NELL1: variants seen among roughly 807,000 people sequenced by gnomAD.
NELL1 encodes protein kinase C-binding protein NELL1.
A neutral mutation model predicts 107.4 loss-of-function variants in NELL1; 76 were observed. The observed-to-expected ratio is 0.71, with a 90% CI of 0.59 to 0.86. NELL1 has a LOEUF of 0.86. Ranked by LOEUF, NELL1 falls within the 40% of genes least tolerant of loss-of-function variation. The pLI, the probability that NELL1 is intolerant of heterozygous loss-of-function variation, is 0.00. For synonymous variants in NELL1, 353 were observed against 341.2 expected (o/e 1.03, Z -0.38); for missense variants, 1,024 against 1,005.5 (o/e 1.02, Z -0.25).
At chr11:21,378,555 C>T (rs1851535063) in intron 15 of NELL1, among the ~76,000 whole-genome samples, 1 of 151,856 alleles carries the variant, frequency 6.6e-6, no homozygotes, top group Non-Finnish European at 1.5e-5. Context: ...GTGGAATAAA[C>T]ATGATTCTCC....
intron 14 of NELL1, among the ~76,000 whole-genome samples, chr11:21,343,222 T>C (rs1850613919): frequency 1.3e-5 from 2 of 152,018 alleles, no homozygotes; most frequent in African/African-American, 2.4e-5. Context: ...AGATTCTTCA[T>C]GTCCAAAGCC....
chr11:20,988,829 C>T (rs557487621), intron 12 of NELL1, among the ~76,000 whole-genome samples: 51 of 152,022 alleles, frequency 3.4e-4, no homozygotes, highest in African/African-American at 1.1e-3. Context: ...CCTCGTGATC[C>T]GCCTTGCCTC....
At chr11:20,847,030 A>G (rs533230907) in intron 3 of NELL1, among the ~76,000 whole-genome samples, 2 of 152,350 alleles carry the variant, frequency 1.3e-5, no homozygotes, top group East Asian at 1.9e-4. Flanking sequence ...ACTAATTCCT[A>G]TGTGACTAGC....
intron 14 of NELL1, among the ~76,000 whole-genome samples, chr11:21,332,482 ATG>A (rs1850294126): frequency 6.6e-6 from 1 of 151,914 alleles, no homozygotes; most frequent in Non-Finnish European, 1.5e-5. Context: ...TATCCCTTCT[ATG>A]TGTCATTATA....
At chr11:21,521,220 T>G (rs1392098907) in intron 15 of NELL1, among the ~76,000 whole-genome samples, 1 of 152,338 alleles carries the variant, frequency 6.6e-6, no homozygotes, top group African/African-American at 2.4e-5. Flanking sequence ...GTCCTAAATA[T>G]TTTATATTTT....
chr11:21,528,394 T>C (rs917129819), intron 15 of NELL1, among the ~76,000 whole-genome samples: 2 of 151,906 alleles, frequency 1.3e-5, no homozygotes, highest in African/African-American at 4.8e-5. Flanking sequence ...AGTGATGCCC[T>C]CCCGTGAGGG....
intron 5 of NELL1, among the ~76,000 whole-genome samples, chr11:20,917,886 T>A (rs1850291276): frequency 6.6e-6 from 1 of 151,970 alleles, no homozygotes; most frequent in Non-Finnish European, 1.5e-5. Context: ...ATTAGGGCAT[T>A]AAGGAGAATT....
intron 17 of NELL1, among the ~76,000 whole-genome samples, chr11:21,565,102 A>T (rs566591380): frequency 6.6e-6 from 1 of 151,940 alleles, no homozygotes; most frequent in South Asian, 2.1e-4. Context: ...TGCTCATAAA[A>T]ATGCTTTGCC....
At chr11:20,778,621 C>G (rs1281581432) in intron 2 of NELL1, among the ~76,000 whole-genome samples, 1 of 150,562 alleles carries the variant, frequency 6.6e-6, no homozygotes, top group Non-Finnish European at 1.5e-5. Context: ...TTCACTCTTG[C>G]TGCTGAGTTA....
intron 12 of NELL1, among the ~76,000 whole-genome samples, chr11:21,007,988 G>A (rs555240197): frequency 6.6e-6 from 1 of 152,210 alleles, no homozygotes; most frequent in East Asian, 1.9e-4. Flanking sequence ...GGAATTCAGA[G>A]CTCAGAGTGA....
chr11:21,373,706 T>C (rs1224342295), intron 15 of NELL1, among the ~76,000 whole-genome samples: 1 of 152,128 alleles, frequency 6.6e-6, no homozygotes, highest in Non-Finnish European at 1.5e-5. Context: ...TTACTTTCCA[T>C]TGATGACATT....
intron 13 of NELL1, among the ~76,000 whole-genome samples, chr11:21,127,961 AT>A (rs1039714709): frequency 2.6e-5 from 4 of 151,876 alleles, no homozygotes; most frequent in African/African-American, 9.7e-5. Flanking sequence ...AGATGCATGC[AT>A]TTTTTTTCTT....
chr11:21,363,539 A>G (rs959475161), intron 14 of NELL1, among the ~76,000 whole-genome samples: 1 of 152,158 alleles, frequency 6.6e-6, no homozygotes, highest in African/African-American at 2.4e-5. Flanking sequence ...TCTTGGAACA[A>G]AAGATCATGG....
chr11:20,690,247 A>G (rs12789625), intron 2 of NELL1, among the ~76,000 whole-genome samples: 2 of 151,498 alleles, frequency 1.3e-5, no homozygotes, highest in South Asian at 4.1e-4. Context: ...GTTCACTCTG[A>G]TGGTAGTTTC....
At chr11:20,683,083 A>G (rs1236162617) in intron 2 of NELL1, among the ~76,000 whole-genome samples, 1 of 151,844 alleles carries the variant, frequency 6.6e-6, no homozygotes, top group Non-Finnish European at 1.5e-5. Flanking sequence ...TACCTGTTCC[A>G]TGTATTCTTT....
At chr11:21,387,446 C>T (rs1851773527) in intron 15 of NELL1, among the ~76,000 whole-genome samples, 1 of 151,800 alleles carries the variant, frequency 6.6e-6, no homozygotes, top group East Asian at 1.9e-4. Flanking sequence ...GTCCCTGGAA[C>T]TCAGTTTGCA....
intron 2 of NELL1, among the ~76,000 whole-genome samples, chr11:20,694,471 T>C (rs1329832442): frequency 6.6e-6 from 1 of 152,100 alleles, no homozygotes; most frequent in Admixed American, 6.6e-5. Context: ...TCTATTTTCA[T>C]TCTTCTGTAT....
At chr11:21,244,540 A>T (rs1301436550) in intron 14 of NELL1, among the ~76,000 whole-genome samples, 1 of 152,220 alleles carries the variant, frequency 6.6e-6, no homozygotes, top group Non-Finnish European at 1.5e-5. Context: ...AAATTGAATT[A>T]GCAGTACACA....
chr11:21,535,418 C>T (rs1424288543), intron 16 of NELL1, among the ~76,000 whole-genome samples: 3 of 152,102 alleles, frequency 2.0e-5, no homozygotes, highest in Non-Finnish European at 4.4e-5. Context: ...GTTTTCTCTG[C>T]TTAGGGTATA....
Sources: gnomAD v4.1 joint callset for allele counts (sites outside exome capture counted in the v4.1 genomes callset) on GRCh38, gnomAD v4.1.1 for gene constraint, MANE v1.5 for transcripts, NCBI Gene and HGNC (gene_info 2026-07-23, HGNC 2026-07-21) for gene names.